STX12: variants seen among roughly 807,000 people sequenced by gnomAD.
STX12 encodes the protein syntaxin-12.
A neutral mutation model predicts 42.2 loss-of-function variants in STX12; 17 were observed. The ratio of observed to expected loss-of-function variants is 0.40; its 90% CI spans 0.28 to 0.60. The LOEUF (loss-of-function observed/expected upper bound fraction) is 0.60, where lower values mean the gene tolerates loss of function less well. Among genes scored for constraint, STX12 ranks in the 20% least tolerant of loss-of-function variants. The pLI is 0.39. For missense variants in STX12, 297 were observed against 330.9 expected (o/e 0.90, Z 0.79); for synonymous variants, 108 against 116.7 (o/e 0.93, Z 0.48).
chr1:27,787,261 G>A (rs145849766), intron 1 of STX12, among the ~76,000 whole-genome samples: 6 of 152,270 alleles, frequency 3.9e-5, no homozygotes, highest in African/African-American at 1.2e-4. Flanking sequence ...GAGAAATAAC[G>A]TGTACTTACT....
chr1:27,806,927 C>T (rs1055595095), intron 4 of STX12, among the ~76,000 whole-genome samples: 17 of 152,268 alleles, frequency 1.1e-4, no homozygotes, highest in African/African-American at 3.8e-4. Flanking sequence ...CTCACTAACA[C>T]GTGAACACTA....
rs780605440 is a variant in STX12 at position 27,773,425 on chromosome 1, A to C, written c.118A>C (p.Thr40Pro). ...SGNIQRISQATAQIKNLMSQL... is the reference protein window; with the variant it reads ...SGNIQRISQAPAQIKNLMSQL... ...CAACATCCAGCGGATCAGCCAAGCCAGTGAGCCGGGGTACCGAGCTGGGGG... is the reference window on the plus strand; with the variant it reads ...CAACATCCAGCGGATCAGCCAAGCCCGTGAGCCGGGGTACCGAGCTGGGGG... The change falls in exon 1 of 9, where the codon ACT becomes CCT. Residue 40 changes from threonine (T) to proline (P), a missense_variant and splice_region_variant. Coordinates refer to ENST00000373943, the MANE Select transcript of STX12 (RefSeq NM_177424.3). The C allele has an allele frequency of 1.9e-6, 3 of 1,613,472 alleles. No homozygotes were observed. The highest frequency in any genetic ancestry group is 2.5e-6 in the Non-Finnish European group (3 of 1,179,596).
At chr1:27,808,313 T>G (rs1254914257) in intron 4 of STX12, among the ~76,000 whole-genome samples, 1 of 112,466 alleles carries the variant, frequency 8.9e-6, no homozygotes, top group African/African-American at 5.7e-5. Context: ...GCTTTGTTTT[T>G]TATTTATTTA....
chr1:27,778,796 T>G (rs969318826), intron 1 of STX12, among the ~76,000 whole-genome samples: 2 of 152,178 alleles, frequency 1.3e-5, no homozygotes, highest in African/African-American at 4.8e-5. Flanking sequence ...GGTCTCACTC[T>G]GTCACCCAGG....
intron 3 of STX12, among the ~76,000 whole-genome samples, chr1:27,801,415 A>G (rs1188165039): frequency 1.3e-5 from 2 of 150,920 alleles, no homozygotes; most frequent in Admixed American, 6.6e-5. Flanking sequence ...ATAAAAAGAA[A>G]AAAAAAAAAA....
intron 1 of STX12, among the ~76,000 whole-genome samples, chr1:27,775,982 T>C (rs759214451): frequency 6.6e-5 from 10 of 152,174 alleles, no homozygotes; most frequent in Admixed American, 2.0e-4. Context: ...TGTTAAATGC[T>C]AAGCTAAGGG....
chr1:27,800,741 A>ACTC (rs967234356), intron 3 of STX12, among the ~76,000 whole-genome samples: 32 of 151,356 alleles, frequency 2.1e-4, no homozygotes, highest in African/African-American at 7.5e-4. Flanking sequence ...CTGGTCTTGA[A>ACTC]CTCCTAGGCT....
At chr1:27,811,994 C>T (rs1407172813) in intron 5 of STX12, 169 bp from the exon 6 acceptor site, 2 of 687,854 alleles carry the variant, frequency 2.9e-6, no homozygotes, top group African/African-American at 3.5e-5. Context: ...ATCATCAGCT[C>T]TTTGCTTCTG....
Position 27,822,475 on chromosome 1 carries a change from G to T in STX12, c.*146G>T. ...AGAAACTAACTACTAACTAGTCTTT[G>T]GAATTCGTGACCTATGGAGACAGTA... On this transcript the variant is annotated 3_prime_UTR_variant, in exon 9 of 9. Coordinates refer to ENST00000373943, the MANE Select transcript of STX12 (RefSeq NM_177424.3). 1 of 581,224 alleles carries T rather than the reference G, an allele frequency of 1.7e-6. No individual in the cohort carries two copies. The allele number at this position is 581,224 out of a possible 1,614,324, so 36.0% of individuals were successfully genotyped here. A position where few individuals can be genotyped will look rare whatever the true frequency, so the allele number is the denominator to read the frequency against.
intron 8 of STX12, among the ~76,000 whole-genome samples, chr1:27,820,550 A>G (rs1170067049): frequency 6.6e-6 from 1 of 152,156 alleles, no homozygotes; most frequent in Non-Finnish European, 1.5e-5. Context: ...TTTTGTTGCC[A>G]TTGCTTTTGG....
At chr1:27,781,321 G>C (rs1298465867) in intron 1 of STX12, among the ~76,000 whole-genome samples, 1 of 152,094 alleles carries the variant, frequency 6.6e-6, no homozygotes, top group East Asian at 1.9e-4. Context: ...TGGGATTATA[G>C]GTGTGAGCCA....
At position 27,817,872 on chromosome 1, in the gene STX12, C is replaced by G; in HGVS notation, c.598C>G (p.Gln200Glu). The G allele has an allele frequency of 6.2e-7, 1 of 1,613,926 alleles. No homozygotes were observed. Among genetic ancestry groups the G allele is most frequent in the Non-Finnish European group, 8.5e-7 (1 of 1,179,976 alleles). The change falls in exon 7 of 9, where the codon CAG (glutamine) becomes GAG (glutamate). Residue 200 changes from glutamine (Q) to glutamate (E), a missense_variant. Coordinates refer to ENST00000373943, the MANE Select transcript of STX12 (RefSeq NM_177424.3). ...QLEADILDVNQIFKDLAMMIH... is the reference protein window; with the variant it reads ...QLEADILDVNEIFKDLAMMIH... ...TTAGGCTGACATTTTGGATGTCAAT[C>G]AGATATTTAAAGATTTGGCCATGAT...
rs1391966062 is a variant in STX12, at chr1:27,807,402, G to A, written c.427-2844G>A. 3.9e-5 allele frequency among the ~76,000 whole-genome samples: 6 copies of A among 152,214 alleles called. No individual in the cohort carries two copies. In the East Asian group the frequency reaches 1.2e-3, roughly 29 times the overall value. ...TCCTGTTGATATTTACACTCATGGA[G>A]CAAATAAACACGTTAGTATTATTTT... On this transcript the variant is annotated intron_variant, in intron 4 of 8. Transcript: ENST00000373943.
At chr1:27,810,084 C>G (rs555275401) in intron 4 of STX12, 162 bp from the exon 5 acceptor site, 13 of 604,818 alleles carry the variant, frequency 2.1e-5, no homozygotes, top group African/African-American at 2.0e-4. Context: ...ACTTTACACC[C>G]ACTTCTTAGT....
At position 27,812,544 on chromosome 1, in the gene STX12, C is replaced by T. The variant is rs192759765; in HGVS notation, c.576+276C>T. ...GCAACCTCTGCCTCCTGGGTTCGAG[C>T]GATTCTCCTGCCTCAGACTCTCGAG... On this transcript the variant is annotated intron_variant, in intron 6 of 8. Coordinates refer to ENST00000373943, the MANE Select transcript of STX12 (RefSeq NM_177424.3). Among the ~76,000 whole-genome samples, 506 of 151,756 alleles carry T rather than the reference C, an allele frequency of 3.3e-3. 4 individuals carry two copies. Among genetic ancestry groups the T allele is most frequent in the African/African-American group, 0.012 (477 of 41,316 alleles).
At position 27,821,924 on chromosome 1, in the gene STX12, A is replaced by G. The variant is rs2088987117; in HGVS notation, c.733-307A>G. The stretch of plus-strand genomic sequence containing the variant: ...TTCCAGCTGCTCAGGAGGCTGAGAC[A>G]TTAGAATCACTTGAACCTGGAAGGT... On this transcript the variant is annotated intron_variant, in intron 8 of 8. Coordinates refer to ENST00000373943, the MANE Select transcript of STX12 (RefSeq NM_177424.3). Among the ~76,000 whole-genome samples the G allele has an allele frequency of 2.0e-5, 3 of 152,186 alleles. No homozygotes were observed. In the South Asian group the frequency reaches 6.2e-4, roughly 32 times the overall value.
intron 6 of STX12, among the ~76,000 whole-genome samples, chr1:27,813,468 G>C (rs541245058): frequency 2.6e-5 from 4 of 152,170 alleles, no homozygotes; most frequent in Admixed American, 2.0e-4. Context: ...GAACCACTGT[G>C]CCCAGCTAAA....
chr1:27,806,647 G>T (rs143962631), intron 4 of STX12, among the ~76,000 whole-genome samples: 1 of 152,138 alleles, frequency 6.6e-6, no homozygotes. Flanking sequence ...AGTGCAATTC[G>T]GTGCCACTGC....
At chr1:27,815,429 T>C (rs2088934893) in intron 6 of STX12, among the ~76,000 whole-genome samples, 1 of 152,246 alleles carries the variant, frequency 6.6e-6, no homozygotes, top group African/African-American at 2.4e-5. Context: ...GCTCTTTAAC[T>C]GAGTTGCCTT....
Sources: gnomAD v4.1 joint callset for allele counts (sites outside exome capture counted in the v4.1 genomes callset) on GRCh38, gnomAD v4.1.1 for gene constraint, MANE v1.5 for transcripts, NCBI Gene and HGNC (gene_info 2026-07-23, HGNC 2026-07-21) for gene names.